The following PLCG2 variants were observed in gnomAD, a reference collection of about 807,000 sequenced individuals.
PLCG2 encodes phospholipase C gamma 2, also known as 1-phosphatidylinositol 4,5-bisphosphate phosphodiesterase gamma-2.
A neutral mutation model predicts 175.6 loss-of-function variants in PLCG2; 69 were observed. The ratio of observed to expected loss-of-function variants is 0.39; its 90% CI spans 0.32 to 0.48. The LOEUF is 0.48. Ranked by LOEUF, PLCG2 falls within the 20% of genes least tolerant of loss-of-function variation. The pLI, the probability that PLCG2 is intolerant of heterozygous loss-of-function variation, is 0.91. For missense variants in PLCG2, 1,798 were observed against 1,650.9 expected (o/e 1.09, Z -1.54); for synonymous variants, 827 against 624.0 (o/e 1.33, Z -4.85).
intron 30 of PLCG2, among the ~76,000 whole-genome samples, chr16:81,941,274 C>T (rs1487817710): frequency 1.3e-5 from 2 of 152,178 alleles, no homozygotes; most frequent in African/African-American, 4.8e-5. Context: ...CTCCTGTAAT[C>T]ATAATCCCAG....
chr16:81,903,969 T>C (rs4520827), intron 14 of PLCG2, among the ~76,000 whole-genome samples: 138,211 of 152,028 alleles, frequency 0.91, 62,912 homozygotes, highest in East Asian at 0.97. Context: ...CGTGGTCATA[T>C]GTATCTTCTT....
chr16:81,883,438 G>T, intron 9 of PLCG2, 97 bp downstream of exon 9: 2 of 958,420 alleles, frequency 2.1e-6, no homozygotes, highest in Non-Finnish European at 3.3e-6. Context: ...CTGGTCACCT[G>T]TGCTCACCTG....
chr16:81,830,242 C>T (rs1393122844), intron 2 of PLCG2, among the ~76,000 whole-genome samples: 1 of 152,076 alleles, frequency 6.6e-6, no homozygotes, highest in South Asian at 2.1e-4. Context: ...ATCACCTAAG[C>T]CCAGGAGGTT....
chr16:81,823,398 C>T (rs1171546901), intron 2 of PLCG2, among the ~76,000 whole-genome samples: 1 of 152,204 alleles, frequency 6.6e-6, no homozygotes, highest in Admixed American at 6.5e-5. Flanking sequence ...TGCTGCTCCC[C>T]ACCCCTCGCC....
At chr16:81,832,810 C>T (rs1207057560) in intron 2 of PLCG2, among the ~76,000 whole-genome samples, 1 of 152,204 alleles carries the variant, frequency 6.6e-6, no homozygotes, top group Non-Finnish European at 1.5e-5. Flanking sequence ...CAGAGGCCTG[C>T]CATCCTTGCA....
rs1028935529 is a variant in PLCG2 at position 81,937,588 on chromosome 16, G to T, written c.3053-170G>T. 9 of 470,282 alleles carry T rather than the reference G, an allele frequency of 1.9e-5. No individual in the cohort carries two copies. The Middle Eastern group carries it at 1.1e-3, about 59-fold the overall frequency. 29.1% of individuals were successfully genotyped at this position (470,282 alleles called of 1,614,324 possible). A position where few individuals can be genotyped will look rare whatever the true frequency, so the allele number is the denominator to read the frequency against. ...TGGAAAGGTGTTCCCCAGTCTGGGAGTTTGCTGTCTAGAAACCCTATATTT... is the reference window on the plus strand; with the variant it reads ...TGGAAAGGTGTTCCCCAGTCTGGGATTTTGCTGTCTAGAAACCCTATATTT... On this transcript the variant is annotated intron_variant, in intron 27 of 32. Transcript: ENST00000564138.
At chr16:81,938,495 C>T (rs1356727972) in intron 28 of PLCG2, 1 of 409,442 alleles carries the variant, frequency 2.4e-6, no homozygotes, top group African/African-American at 2.0e-5. Context: ...AGTGATTAAG[C>T]TCTGCCTTGA....
chr16:81,922,980 G>T (rs1005348912), intron 21 of PLCG2, among the ~76,000 whole-genome samples: 4 of 152,062 alleles, frequency 2.6e-5, no homozygotes, highest in Non-Finnish European at 1.5e-5. Context: ...GTAGATAGGG[G>T]ACTGCTGACC....
In PLCG2 at chr16:81,880,939, C is replaced by T. The variant is rs111553163; in HGVS notation, c.678C>T (p.Ser226=). The change falls in exon 8 of 33, where the codon TCC becomes TCT. Residue 226 remains serine, a synonymous_variant. Transcript: ENST00000564138. The part of the protein sequence containing the change: ...SILDEFKKDS[S]VFILGNTDRP... ...TCGATGAATTCAAAAAGGATTCGTC[C>T]GTGTTCATCCTGGGGTGAGGCAGCT... 4.6e-4 allele frequency: 737 copies of T among 1,613,962 alleles called. No individual in the cohort carries two copies. The highest frequency in any genetic ancestry group is 6.0e-4 in the Non-Finnish European group (706 of 1,179,974).
chr16:81,802,093 C>CTTTTTTTTTTTTTTTTTTTTTTTTTTTTT lies in PLCG2; in HGVS notation c.193+15921_193+15949dup, dbSNP rs1157731599. ...GTTAGCTCCTTCAGGTGAGTACAGTCTTTTTTTTTTTTTTTTTTTTTTTTT... is the reference window on the plus strand; with the variant it reads ...GTTAGCTCCTTCAGGTGAGTACAGTCTTTTTTTTTTTTTTTTTTTTTTTTTTTTTTTTTTTTTTTTTTTTTTTTTTTTTT... On this transcript the variant is annotated intron_variant, in intron 2 of 32. Coordinates refer to ENST00000564138, the MANE Select transcript of PLCG2 (RefSeq NM_002661.5). Among the ~76,000 whole-genome samples the CTTTTTTTTTTTTTTTTTTTTTTTTTTTTT allele has an allele frequency of 1.5e-4, 6 of 40,012 alleles. 2 individuals carry two copies. The highest frequency in any genetic ancestry group is 2.6e-4 in the Non-Finnish European group (6 of 22,664). The allele number at this position is 40,012 out of a possible 152,430, so 26.2% of individuals were successfully genotyped here. A position where few individuals can be genotyped will look rare whatever the true frequency, so the allele number is the denominator to read the frequency against.
At chr16:81,762,137 T>C (rs1910054520) in intron 2 of PLCG2, among the ~76,000 whole-genome samples, 1 of 152,064 alleles carries the variant, frequency 6.6e-6, no homozygotes, top group Non-Finnish European at 1.5e-5. Context: ...GCATGGCCCC[T>C]GAACATTTAC....
rs538191658 is a variant in PLCG2, at chr16:81,867,945, C to T, written c.480-1269C>T. ...CGATCCTCTGACCTCGTGATCCGCCCGCCTCAGCCTCCCAAAGTGCTGGGA... is the reference window on the plus strand; with the variant it reads ...CGATCCTCTGACCTCGTGATCCGCCTGCCTCAGCCTCCCAAAGTGCTGGGA... On this transcript the variant is annotated intron_variant, in intron 5 of 32. Coordinates refer to ENST00000564138, the MANE Select transcript of PLCG2 (RefSeq NM_002661.5). Among the ~76,000 whole-genome samples the T allele has an allele frequency of 8.7e-3, 1,320 of 152,240 alleles. 10 individuals are homozygous for T. Among genetic ancestry groups the T allele is most frequent in the Middle Eastern group, 0.041 (12 of 294 alleles).
intron 22 of PLCG2, among the ~76,000 whole-genome samples, chr16:81,926,378 G>T (rs972405942): frequency 1.3e-5 from 2 of 152,198 alleles, no homozygotes; most frequent in Non-Finnish European, 2.9e-5. Flanking sequence ...GAAGGAGGGC[G>T]TTTGCATGTC....
At chr16:81,752,513 C>T (rs566821231) in intron 1 of PLCG2, among the ~76,000 whole-genome samples, 51 of 152,318 alleles carry the variant, frequency 3.3e-4, no homozygotes, top group Admixed American at 1.7e-3. Flanking sequence ...AAAACCCTCC[C>T]GGAGTGGCTC....
chr16:81,804,042 A>G (rs941166969), intron 2 of PLCG2, among the ~76,000 whole-genome samples: 6 of 152,216 alleles, frequency 3.9e-5, no homozygotes, highest in Non-Finnish European at 8.8e-5. Flanking sequence ...TTGTGTGAAC[A>G]CATGTTTCCA....
At chr16:81,812,926 T>C (rs183771201) in intron 2 of PLCG2, among the ~76,000 whole-genome samples, 1 of 152,356 alleles carries the variant, frequency 6.6e-6, no homozygotes, top group Admixed American at 6.5e-5. Context: ...ATTTATTAAG[T>C]AGGGAATCCT....
Position 81,958,075 on chromosome 16 carries a change from ACT to A in PLCG2, c.*80_*81del. The A allele has an allele frequency of 9.7e-7, 1 of 1,026,036 alleles. No individual in the cohort carries two copies. The highest frequency in any genetic ancestry group is 1.5e-6 in the Non-Finnish European group (1 of 648,462). 63.6% of individuals were successfully genotyped at this position (1,026,036 alleles called of 1,614,324 possible). On this transcript the variant is annotated 3_prime_UTR_variant, in exon 33 of 33. Transcript: ENST00000564138. ...ATGTAGGAGAACGTGCCCTATTCAC[ACT>A]CTGGGAAGACGCTAATCTGTGACAT...
Position 81,786,172 on chromosome 16 carries a change from C to T in PLCG2, c.183C>T (p.Ile61=), listed in dbSNP as rs553657822. ...QVAWSKTADK[I]EGFLDIMEIK... is the part of the protein sequence containing the mutation. ...CCTGGAGCAAGACCGCTGACAAGAT[C>T]GAGGGCTTCTGTGAGTACTCGCTGG... The change falls in exon 2 of 33, where the codon ATC becomes ATT. Residue 61 remains isoleucine, a synonymous_variant. Coordinates refer to ENST00000564138, the MANE Select transcript of PLCG2 (RefSeq NM_002661.5). 6.4e-5 allele frequency: 103 copies of T among 1,613,878 alleles called. No individual in the cohort carries two copies. Among genetic ancestry groups the T allele is most frequent in the South Asian group, 5.4e-4 (49 of 91,048 alleles).
intron 5 of PLCG2, among the ~76,000 whole-genome samples, chr16:81,864,423 C>G (rs73592995): frequency 0.12 from 18,037 of 152,252 alleles, 1,411 homozygotes; most frequent in African/African-American, 0.22. Context: ...CTAGCAGCTA[C>G]TACCTCAGAC....
Sources: allele counts gnomAD v4.1 joint callset (sites outside exome capture counted in the v4.1 genomes callset), GRCh38; gene constraint gnomAD v4.1.1; transcripts MANE v1.5; gene names NCBI Gene and HGNC (gene_info 2026-07-23, HGNC 2026-07-21).